FOXA3: variants seen among roughly 807,000 people sequenced by gnomAD.
FOXA3 encodes the protein forkhead box A3.
A neutral mutation model predicts 16.9 loss-of-function variants in FOXA3; 11 were observed. The observed-to-expected ratio is 0.65, with a 90% CI of 0.41 to 1.08. The LOEUF is 1.08. FOXA3 is among the 50% of genes least tolerant of loss of function. The probability of loss-of-function intolerance (pLI) is 0.00; values close to 1 mark genes in which losing one functional copy is unlikely to be tolerated. For synonymous variants in FOXA3, 217 were observed against 203.3 expected (o/e 1.07, Z -0.57); for missense variants, 423 against 470.1 (o/e 0.90, Z 0.93).
Position 45,872,564 on chromosome 19 carries a change from A to G in FOXA3, c.559A>G (p.Lys187Glu). Residue 187 changes from lysine to glutamate, a missense_variant, in exon 2 of 2, where the codon AAG becomes GAG. By Grantham distance (56) the Lys-to-Glu change is moderately conservative. This residue lies in a region of FOXA3 where 85 missense variants were observed against 136.9 expected (regional missense o/e 0.62). Coordinates refer to ENST00000302177, the MANE Select transcript of FOXA3 (RefSeq NM_004497.3). This position sits in a 1 kb window ranked among gnomAD's most constrained non-coding sequence, Gnocchi z 4.5. ...KVARSPDKPG[K>E]GSYWALHPSS... is the part of the protein sequence containing the mutation. ...GGCGCGTTCCCCAGACAAGCCTGGC[A>G]AGGGCTCCTACTGGGCCCTACACCC... 1 of 1,614,166 alleles carries G rather than the reference A, an allele frequency of 6.2e-7. No individual in the cohort carries two copies. Among genetic ancestry groups the G allele is most frequent in the South Asian group, 1.1e-5 (1 of 91,082 alleles).
At chr19:45,868,576 T>A (rs1260097438) in intron 1 of FOXA3, among the ~76,000 whole-genome samples, 1 of 125,910 alleles carries the variant, frequency 7.9e-6, no homozygotes, top group African/African-American at 3.3e-5. Context: ...TGAGACTCTC[T>A]TAAAAAAAAA....
At chr19:45,870,442 G>A (rs113551257) in intron 1 of FOXA3, among the ~76,000 whole-genome samples, 2,515 of 152,062 alleles carry the variant, frequency 0.017, 30 homozygotes, top group Middle Eastern at 0.031. Context: ...CAAAGTGCTG[G>A]GATTACAGGT....
intron 1 of FOXA3, among the ~76,000 whole-genome samples, chr19:45,864,776 C>T (rs1003338573): frequency 6.6e-6 from 1 of 152,082 alleles, no homozygotes; most frequent in African/African-American, 2.4e-5. Context: ...AGCCAAGGGT[C>T]GGGTCACACC....
intron 1 of FOXA3, among the ~76,000 whole-genome samples, chr19:45,866,109 A>AT (rs1972082631): frequency 1.3e-5 from 2 of 152,100 alleles, no homozygotes; most frequent in Admixed American, 6.6e-5. Context: ...TTGTATGGAA[A>AT]TTGTGTCAGA....
Position 45,864,544 on chromosome 19 carries a change from C to T in FOXA3, c.69+19C>T, listed in dbSNP as rs778284274. On this transcript the variant is annotated intron_variant, in intron 1 of 1. Transcript: ENST00000302177. ...GGGCGAGGTGTGTCCTCGGGGATGGCGGAGCGGGAAGTTGGGGGCAGGTAT... is the reference window on the plus strand; with the variant it reads ...GGGCGAGGTGTGTCCTCGGGGATGGTGGAGCGGGAAGTTGGGGGCAGGTAT... The T allele has an allele frequency of 5.3e-6, 8 of 1,511,936 alleles. No individual in the cohort carries two copies. Among genetic ancestry groups the T allele is most frequent in the South Asian group, 5.1e-5 (4 of 77,846 alleles). The allele number at this position is 1,511,936 out of a possible 1,614,324, so 93.7% of individuals were successfully genotyped here.
At chr19:45,871,999 A>G (rs975000288) in intron 1 of FOXA3, 76 bp from the exon 2 acceptor site, 5 of 1,404,782 alleles carry the variant, frequency 3.6e-6, no homozygotes, top group Non-Finnish European at 3.9e-6. Flanking sequence ...ACAGACGGAC[A>G]CTCAGTGGGT....
rs1231644856 is a variant in FOXA3 at position 45,873,472 on chromosome 19, AAC to A, written c.*417_*418del. The A allele has an allele frequency of 1.7e-5, 4 of 235,322 alleles. No individual in the cohort carries two copies. The East Asian group carries it at 4.1e-4, about 24-fold the overall frequency. The allele number at this position is 235,322 out of a possible 1,614,324, so 14.6% of individuals were successfully genotyped here. On this transcript the variant is annotated 3_prime_UTR_variant, in exon 2 of 2. Coordinates refer to ENST00000302177, the MANE Select transcript of FOXA3 (RefSeq NM_004497.3). ...TGCCAAGTTGGCCACCATTCTGTGTAACACCTTTTTTGGCCCATTGGGTGCTT... is the reference window on the plus strand; with the variant it reads ...TGCCAAGTTGGCCACCATTCTGTGTAACCTTTTTTGGCCCATTGGGTGCTT...
chr19:45,869,790 TA>T (rs1383209962), intron 1 of FOXA3, among the ~76,000 whole-genome samples: 4 of 135,938 alleles, frequency 2.9e-5, no homozygotes, highest in African/African-American at 1.1e-4. Context: ...TTTATTTATT[TA>T]TTTTTTTTTT....
rs758330593 is a variant in FOXA3, at chr19:45,872,276, G to A, written c.271G>A (p.Gly91Arg). Residue 91 changes from glycine (G) to arginine (R), a missense_variant, in exon 2 of 2, where the codon GGG (glycine) becomes AGG (arginine). Around this residue, in one of 3 missense-constraint regions of FOXA3, gnomAD observed 170 missense variants for 153.9 expected, o/e 1.10. Coordinates refer to ENST00000302177, the MANE Select transcript of FOXA3 (RefSeq NM_004497.3). The surrounding 1 kb of genome is among the most constrained non-coding windows in gnomAD (Gnocchi z 4.5). The part of the protein sequence containing the change: ...LGVSGGSSSS[G>R]YGAPGPGLVH... ...TGTCAGCGGTGGCAGCAGCAGCTCCGGGTACGGGGCCCCGGGTCCTGGGCT... is the reference window on the plus strand; with the variant it reads ...TGTCAGCGGTGGCAGCAGCAGCTCCAGGTACGGGGCCCCGGGTCCTGGGCT... 2.6e-5 allele frequency: 42 copies of A among 1,612,408 alleles called. No individual in the cohort carries two copies. Among genetic ancestry groups the A allele is most frequent in the Non-Finnish European group, 3.1e-5 (37 of 1,178,786 alleles).
Position 45,873,026 on chromosome 19 carries a change from CT to C in FOXA3, c.1022del (p.Leu341ProfsTer32). On this transcript the variant is annotated frameshift_variant, in exon 2 of 2. Transcript: ENST00000302177. LOFTEE classifies it high-confidence loss of function. ...GGEPGVYYQG[L>X]YSRSLLNAS ...GGAGCCTGGAGTCTACTACCAGGGC[CT>C]CTATTCCCGCTCTTTGCTTAATGCA... is the stretch of plus-strand genomic sequence containing the variant. The C allele has an allele frequency of 1.2e-6, 2 of 1,607,588 alleles. No homozygotes were observed. The highest frequency in any genetic ancestry group is 1.7e-6 in the Non-Finnish European group (2 of 1,176,814).
chr19:45,872,195 C>G lies in FOXA3; in HGVS notation c.190C>G (p.Pro64Ala), dbSNP rs150825228. The change falls in exon 2 of 2, where the codon CCC becomes GCC. Residue 64 changes from proline (P) to alanine (A), a missense_variant. Physicochemically the swap from Pro to Ala is conservative, Grantham distance 27. Coordinates refer to ENST00000302177, the MANE Select transcript of FOXA3 (RefSeq NM_004497.3). The surrounding 1 kb of genome is among the most constrained non-coding windows in gnomAD (Gnocchi z 4.5). ...GLPASPLPSG[P>A]LAPPAPAAPL... is the part of the protein sequence containing the mutation. ...CCCTGCCTCCCCACTGCCCTCAGGA[C>G]CCCTGGCACCCCCAGCACCTGCAGC... 1 of 1,596,144 alleles carries G rather than the reference C, an allele frequency of 6.3e-7. No homozygotes were observed. Among genetic ancestry groups the G allele is most frequent in the Non-Finnish European group, 8.5e-7 (1 of 1,169,752 alleles).
chr19:45,872,095 A>G lies in FOXA3; in HGVS notation c.90A>G (p.Pro30=), dbSNP rs376849431. Residue 30 remains proline (P), a synonymous_variant, in exon 2 of 2, where the codon CCA becomes CCG. Coordinates refer to ENST00000302177, the MANE Select transcript of FOXA3 (RefSeq NM_004497.3). This position sits in a 1 kb window ranked among gnomAD's most constrained non-coding sequence, Gnocchi z 4.5. ...EAGEVYSPVT[P]VPTMAPLNSY... is the part of the protein sequence containing the mutation. ...CCTAGGTCTACTCGCCGGTGACCCC[A>G]GTGCCCACCATGGCCCCCCTCAACT... 1.9e-6 allele frequency: 3 copies of G among 1,609,462 alleles called. No homozygotes were observed. The highest frequency in any genetic ancestry group is 2.5e-6 in the Non-Finnish European group (3 of 1,177,554).
intron 1 of FOXA3, 114 bp from the exon 2 acceptor site, chr19:45,871,961 G>A: frequency 9.5e-7 from 1 of 1,051,954 alleles, no homozygotes. Flanking sequence ...ATGATGGAAG[G>A]GATTTGTAGA....
intron 1 of FOXA3, among the ~76,000 whole-genome samples, chr19:45,865,770 G>A (rs1195590049): frequency 6.6e-6 from 1 of 152,082 alleles, no homozygotes; most frequent in Non-Finnish European, 1.5e-5. Flanking sequence ...GGGGAGGTGT[G>A]AGGTGCACGT....
chr19:45,873,182 CTGTGA>C lies in FOXA3; in HGVS notation c.*127_*131del. Reference sequence around the variant, plus strand: ...AACATCTGGGTGGGTCTATTACTTACTGTGATGACTGCTGTCTCAGTGGGCATGGT... The same window carrying C: ...AACATCTGGGTGGGTCTATTACTTACTGACTGCTGTCTCAGTGGGCATGGT... On this transcript the variant is annotated 3_prime_UTR_variant, in exon 2 of 2. Coordinates refer to ENST00000302177, the MANE Select transcript of FOXA3 (RefSeq NM_004497.3). 7.1e-7 allele frequency: 1 copy of C among 1,411,152 alleles called. No individual in the cohort carries two copies. Among genetic ancestry groups the C allele is most frequent in the Non-Finnish European group, 9.6e-7 (1 of 1,038,592 alleles). 87.4% of individuals were successfully genotyped at this position (1,411,152 alleles called of 1,614,324 possible).
Position 45,872,161 on chromosome 19 carries a change from TG to T in FOXA3, c.162del (p.Leu55SerfsTer84). The T allele has an allele frequency of 6.3e-7, 1 of 1,589,074 alleles. No homozygotes were observed. The highest frequency in any genetic ancestry group is 8.6e-7 in the Non-Finnish European group (1 of 1,167,040). On this transcript the variant is annotated frameshift_variant, in exon 2 of 2. Transcript: ENST00000302177. LOFTEE classifies it high-confidence loss of function. This position sits in a 1 kb window ranked among gnomAD's most constrained non-coding sequence, Gnocchi z 4.5. ...LNPLSSPYPP[G>X]GLPASPLPSG... Reference sequence around the variant, plus strand: ...ATCCTCTAAGCTCTCCCTATCCCCCTGGGGGGCTCCCTGCCTCCCCACTGCC... The same window carrying T: ...ATCCTCTAAGCTCTCCCTATCCCCCTGGGGGCTCCCTGCCTCCCCACTGCC...
intron 1 of FOXA3, among the ~76,000 whole-genome samples, chr19:45,870,037 C>T (rs1337984808): frequency 6.6e-5 from 10 of 152,014 alleles, no homozygotes; most frequent in Non-Finnish European, 1.0e-4. Context: ...CCACCTGCCT[C>T]GGCCTCCCAA....
intron 1 of FOXA3, 76 bp from the exon 2 acceptor site, chr19:45,871,999 A>C (rs975000288): frequency 1.1e-5 from 15 of 1,404,782 alleles, no homozygotes; most frequent in South Asian, 7.7e-5. Context: ...ACAGACGGAC[A>C]CTCAGTGGGT....
rs929299261 is a variant in FOXA3, at chr19:45,864,638, G to A, written c.69+113G>A. ...AATGGAGGCAAAGGCGTCTACTTGGGCAGCTGAGGAACTGGGAACACGGAG... is the reference window on the plus strand; with the variant it reads ...AATGGAGGCAAAGGCGTCTACTTGGACAGCTGAGGAACTGGGAACACGGAG... On this transcript the variant is annotated intron_variant, in intron 1 of 1. Coordinates refer to ENST00000302177, the MANE Select transcript of FOXA3 (RefSeq NM_004497.3). 27 of 875,812 alleles carry A rather than the reference G, an allele frequency of 3.1e-5. No homozygotes were observed. In the African/African-American group the frequency reaches 4.3e-4, roughly 14 times the overall value. 54.3% of individuals were successfully genotyped at this position (875,812 alleles called of 1,614,324 possible). A position where few individuals can be genotyped will look rare whatever the true frequency, so the allele number is the denominator to read the frequency against.
Sources: allele counts gnomAD v4.1 joint callset (sites outside exome capture counted in the v4.1 genomes callset), GRCh38; gene constraint gnomAD v4.1.1; regional missense constraint gnomAD v4.1.1; non-coding constraint Gnocchi (gnomAD v3.1); transcripts MANE v1.5; gene names NCBI Gene and HGNC (gene_info 2026-07-23, HGNC 2026-07-21).